The following NAV2 variants were observed in gnomAD, a reference collection of about 807,000 sequenced individuals.
The protein encoded by NAV2 is neuron navigator 2.
In NAV2, 54 loss-of-function variants were observed where a neutral mutation model predicts 223.2. The observed-to-expected ratio is 0.24, with a 90% CI of 0.19 to 0.30. The LOEUF is 0.30. NAV2 is among the 10% of genes least tolerant of loss of function. The pLI, the probability that NAV2 is intolerant of heterozygous loss-of-function variation, is 1.00. For synonymous variants in NAV2, 1,279 were observed against 1,239.3 expected, an observed-to-expected ratio of 1.03 and a Z score of -0.67; for missense variants, 2,806 against 3,147.5, an observed-to-expected ratio of 0.89 and a Z score of 2.60.
chr11:19,485,772 G>C (rs1315060302), intron 1 of NAV2, among the ~76,000 whole-genome samples: 1 of 152,050 alleles, frequency 6.6e-6, no homozygotes, highest in African/African-American at 2.4e-5. Flanking sequence ...AGCTAGTGTG[G>C]GGAGACCAGG....
At chr11:19,986,796 T>G (rs2050834249) in intron 11 of NAV2, among the ~76,000 whole-genome samples, 1 of 152,252 alleles carries the variant, frequency 6.6e-6, no homozygotes. Context: ...ATATGCTAAA[T>G]TTTTATAACT....
At chr11:19,385,786 G>A (rs1363537436) in intron 1 of NAV2, among the ~76,000 whole-genome samples, 1 of 72,990 alleles carries the variant, frequency 1.4e-5, no homozygotes, top group Non-Finnish European at 2.5e-5. Context: ...TTTTGAGACA[G>A]AGTCTCGCTC....
chr11:19,764,421 A>G (rs1033425493), intron 1 of NAV2, among the ~76,000 whole-genome samples: 5 of 152,228 alleles, frequency 3.3e-5, no homozygotes, highest in African/African-American at 1.2e-4. Flanking sequence ...TGTGTCCCCA[A>G]ATAAAAATGC....
In NAV2 at chr11:19,977,741, C is replaced by A. The variant is rs143639266; in HGVS notation, c.2646-6384C>A. On this transcript the variant is annotated intron_variant, in intron 10 of 37. Transcript: ENST00000349880. ...ATATTTTTGCATTTCAGAGCATTCT[C>A]TTCTTCCTTGAGCCAATGTGGCCAC... Among the ~76,000 whole-genome samples the A allele has an allele frequency of 1.8e-4, 27 of 147,470 alleles. No homozygotes were observed. In the East Asian group the frequency reaches 4.5e-3, roughly 25 times the overall value.
At chr11:19,606,991 T>G (rs2046489914) in intron 1 of NAV2, among the ~76,000 whole-genome samples, 1 of 152,154 alleles carries the variant, frequency 6.6e-6, no homozygotes, top group East Asian at 1.9e-4. Flanking sequence ...TTGCTCCAGC[T>G]GGCATGCACC....
rs1367452058 is a variant in NAV2, at chr11:20,118,443, A to C, written c.*185A>C. 1 of 653,376 alleles carries C rather than the reference A, an allele frequency of 1.5e-6. No homozygotes were observed. The highest frequency in any genetic ancestry group is 2.5e-5 in the Admixed American group (1 of 40,014). The allele number at this position is 653,376 out of a possible 1,614,324, so 40.5% of individuals were successfully genotyped here. A position where few individuals can be genotyped will look rare whatever the true frequency, so the allele number is the denominator to read the frequency against. On this transcript the variant is annotated 3_prime_UTR_variant, in exon 38 of 38. Coordinates refer to ENST00000349880, the MANE Select transcript of NAV2 (RefSeq NM_145117.5). Reference sequence around the variant, plus strand: ...GGCATCCCGGGCCAGCTGCCTGCGGACCGCTTCCTTCCACAGCGAGAACTG... The same window carrying C: ...GGCATCCCGGGCCAGCTGCCTGCGGCCCGCTTCCTTCCACAGCGAGAACTG...
chr11:19,815,688 T>G (rs1283858214), intron 1 of NAV2, among the ~76,000 whole-genome samples: 2 of 152,186 alleles, frequency 1.3e-5, no homozygotes, highest in East Asian at 3.9e-4. Context: ...CTGGACTGAG[T>G]TGGAATACCT....
chr11:19,886,243 G>T (rs192452533), intron 5 of NAV2, among the ~76,000 whole-genome samples: 1 of 152,132 alleles, frequency 6.6e-6, no homozygotes, highest in Admixed American at 6.5e-5. Flanking sequence ...CTCCCAGGGC[G>T]CTGGGATTAC....
chr11:20,081,575 G>T (rs1374002737), intron 25 of NAV2, among the ~76,000 whole-genome samples: 1 of 152,162 alleles, frequency 6.6e-6, no homozygotes, highest in African/African-American at 2.4e-5. Flanking sequence ...AAGGATTTCA[G>T]GTGATGGCTT....
intron 1 of NAV2, among the ~76,000 whole-genome samples, chr11:19,756,087 G>A (rs915340130): frequency 1.3e-5 from 2 of 152,114 alleles, no homozygotes; most frequent in Admixed American, 1.3e-4. Context: ...AGAGCTCAGA[G>A]CCTCAATCTC....
At chr11:19,917,382 C>A (rs1267350521) in intron 6 of NAV2, among the ~76,000 whole-genome samples, 1 of 152,132 alleles carries the variant, frequency 6.6e-6, no homozygotes, top group Non-Finnish European at 1.5e-5. Context: ...ATATTGCACA[C>A]CCCATGTTCC....
chr11:19,565,629 T>C (rs2045242474), intron 1 of NAV2, among the ~76,000 whole-genome samples: 1 of 152,224 alleles, frequency 6.6e-6, no homozygotes, highest in African/African-American at 2.4e-5. Flanking sequence ...GATTTTCCTA[T>C]GGTGATAAAT....
At chr11:19,518,033 A>G (rs2043513741) in intron 1 of NAV2, among the ~76,000 whole-genome samples, 2 of 152,272 alleles carry the variant, frequency 1.3e-5, no homozygotes, top group Admixed American at 1.3e-4. Flanking sequence ...AAACAGCAGC[A>G]CAGAGCTAAA....
chr11:19,771,242 A>G (rs1486443527), intron 1 of NAV2, among the ~76,000 whole-genome samples: 1 of 152,208 alleles, frequency 6.6e-6, no homozygotes, highest in African/African-American at 2.4e-5. Context: ...TACATCCATA[A>G]CAACAAATGA....
At chr11:20,102,520 C>G (rs1219628595) in intron 32 of NAV2, among the ~76,000 whole-genome samples, 1 of 152,176 alleles carries the variant, frequency 6.6e-6, no homozygotes, top group East Asian at 1.9e-4. Flanking sequence ...TACTCACCTT[C>G]TAGGTTATTG....
intron 36 of NAV2, among the ~76,000 whole-genome samples, chr11:20,108,763 A>C (rs1286090969): frequency 3.3e-5 from 5 of 152,060 alleles, no homozygotes; most frequent in Non-Finnish European, 7.4e-5. Flanking sequence ...GGAAAGCAAA[A>C]ATTCTTTACT....
intron 8 of NAV2, among the ~76,000 whole-genome samples, chr11:19,945,390 C>T (rs1311730611): frequency 1.3e-5 from 2 of 151,562 alleles, no homozygotes; most frequent in African/African-American, 4.9e-5. Context: ...CTCCCTTCCT[C>T]TTTTCCTCCC....
At position 19,703,539 on chromosome 11, in the gene NAV2, G is replaced by A. The variant is rs115251519; in HGVS notation, c.76-128945G>A. On this transcript the variant is annotated intron_variant, in intron 1 of 37. Transcript: ENST00000360655. ...AGGGTCAGGCTGCCTGATGCTACCCGCACCGCTGGAGCTGAGGCGGCATTG... is the reference window on the plus strand; with the variant it reads ...AGGGTCAGGCTGCCTGATGCTACCCACACCGCTGGAGCTGAGGCGGCATTG... Among the ~76,000 whole-genome samples the A allele has an allele frequency of 4.1e-3, 619 of 152,338 alleles. 5 individuals carry two copies. Among genetic ancestry groups the A allele is most frequent in the African/African-American group, 0.014 (563 of 41,578 alleles).
Position 20,101,007 on chromosome 11 carries a change from C to T in NAV2, c.6252C>T (p.Tyr2084=), listed in dbSNP as rs765125985. The part of the protein sequence containing the change: ...SLIPKPILQR[Y]VSLLIEHRRI... ...TTCCCAAGCCCATCCTGCAGCGCTA[C>T]GTCTCCCTCCTGATAGAGCACCGTC... Residue 2084 remains tyrosine, a synonymous_variant, in exon 32 of 38, where the codon TAC becomes TAT. Transcript: ENST00000349880. The T allele has an allele frequency of 6.8e-6, 11 of 1,614,048 alleles. No homozygotes were observed. The highest frequency in any genetic ancestry group is 6.7e-5 in the African/African-American group (5 of 74,898).
Sources: allele counts gnomAD v4.1 joint callset (sites outside exome capture counted in the v4.1 genomes callset), GRCh38; gene constraint gnomAD v4.1.1; transcripts MANE v1.5; gene names NCBI Gene and HGNC (gene_info 2026-07-23, HGNC 2026-07-21).